The following PSMD11 variants were observed in gnomAD, a reference collection of about 807,000 sequenced individuals.
PSMD11 encodes the protein proteasome 26S subunit, non-ATPase 11, also known as 26S proteasome non-ATPase regulatory subunit 11.
Under a neutral mutation model 62.3 loss-of-function variants are expected in PSMD11, and 5 were observed. The observed-to-expected ratio is 0.08, with a 90% CI of 0.04 to 0.17. The LOEUF is 0.17. Among genes scored for constraint, PSMD11 ranks in the 10% least tolerant of loss-of-function variants. PSMD11 has a pLI of 1.00. For missense variants in PSMD11, 310 were observed against 512.9 expected (o/e 0.60, Z 3.82); for synonymous variants, 191 against 191.8 (o/e 1.00, Z 0.03).
chr17:32,464,705 C>G, intron 5 of PSMD11, 127 bp downstream of exon 5: 1 of 641,702 alleles, frequency 1.6e-6, no homozygotes, highest in Non-Finnish European at 2.4e-6. Flanking sequence ...TTTAAAGTAG[C>G]TTACAGTTCT....
At chr17:32,461,979 C>G (rs1907859012) in intron 3 of PSMD11, among the ~76,000 whole-genome samples, 4 of 152,150 alleles carry the variant, frequency 2.6e-5, no homozygotes, top group Admixed American at 2.6e-4. Context: ...TCTGATGTTA[C>G]CCGTCAGTTC....
chr17:32,475,951 T>G (rs1368009080), intron 8 of PSMD11, among the ~76,000 whole-genome samples: 7 of 152,008 alleles, frequency 4.6e-5, no homozygotes, highest in Non-Finnish European at 1.0e-4. Context: ...GGAGCTGACC[T>G]GAAACTTTTG....
At chr17:32,477,022 G>A (rs1908346972) in intron 8 of PSMD11, 1 of 152,522 alleles carries the variant, frequency 6.6e-6, no homozygotes, top group Non-Finnish European at 1.5e-5. Context: ...CAAAGTGGTG[G>A]GATTACAGGT....
chr17:32,472,306 T>A (rs1355454703), intron 6 of PSMD11, among the ~76,000 whole-genome samples: 1 of 150,392 alleles, frequency 6.6e-6, no homozygotes, highest in East Asian at 2.0e-4. Flanking sequence ...CACTGCAACC[T>A]CTACCTCCTG....
intron 5 of PSMD11, 101 bp from the exon 6 acceptor site, chr17:32,468,895 ATTT>A (rs369788458): frequency 2.2e-4 from 198 of 896,786 alleles, no homozygotes; most frequent in Non-Finnish European, 2.5e-4. Context: ...GAGTTCAGGA[ATTT>A]TTTTTTTTTT....
intron 2 of PSMD11, among the ~76,000 whole-genome samples, chr17:32,452,066 AT>A (rs1450393450): frequency 6.6e-6 from 1 of 152,058 alleles, no homozygotes; most frequent in East Asian, 1.9e-4. Context: ...AGACCCATAG[AT>A]TTTCAGGGGT....
In PSMD11 at chr17:32,480,607, C is replaced by T; in HGVS notation, c.1245C>T (p.Tyr415=). Residue 415 remains tyrosine (Y), a synonymous_variant, in exon 13 of 14, where the codon TAC becomes TAT. Coordinates refer to ENST00000261712, the MANE Select transcript of PSMD11 (RefSeq NM_002815.4). ...TGAGCAAAGTAGTGGATTCCCTCTA[C>T]AACAAAGCCAAGAAACTGACATAGG... ...QNMSKVVDSL[Y]NKAKKLT is the part of the protein sequence containing the mutation. 6.2e-7 allele frequency: 1 copy of T among 1,614,158 alleles called. No individual in the cohort carries two copies. The highest frequency in any genetic ancestry group is 8.5e-7 in the Non-Finnish European group (1 of 1,180,020).
At chr17:32,449,766 G>C (rs577439432) in intron 2 of PSMD11, among the ~76,000 whole-genome samples, 16 of 152,296 alleles carry the variant, frequency 1.1e-4, no homozygotes, top group African/African-American at 3.6e-4. Flanking sequence ...AGCTGTCTTT[G>C]CTATTAATGA....
chr17:32,470,524 C>T (rs929819242), intron 6 of PSMD11, among the ~76,000 whole-genome samples: 3 of 152,126 alleles, frequency 2.0e-5, no homozygotes, highest in African/African-American at 4.8e-5. Context: ...GTTGGCCAGG[C>T]TGGCTGCACG....
chr17:32,451,323 T>C (rs547716842), intron 2 of PSMD11, among the ~76,000 whole-genome samples: 5 of 152,198 alleles, frequency 3.3e-5, no homozygotes, highest in Non-Finnish European at 5.9e-5. Context: ...CTGCAAAAGA[T>C]AGAAATAACA....
intron 10 of PSMD11, 107 bp from the exon 11 acceptor site, chr17:32,479,744 A>C: frequency 7.4e-7 from 1 of 1,346,820 alleles, no homozygotes; most frequent in African/African-American, 1.4e-5. Context: ...AGGGTCTTAC[A>C]TTAGAATTTT....
At chr17:32,465,865 C>T (rs1907977546) in intron 5 of PSMD11, among the ~76,000 whole-genome samples, 1 of 152,144 alleles carries the variant, frequency 6.6e-6, no homozygotes, top group Non-Finnish European at 1.5e-5. Context: ...ATCCCAGCTA[C>T]TTGTTAGGCT....
chr17:32,459,446 C>G (rs188175966), intron 3 of PSMD11, among the ~76,000 whole-genome samples: 3 of 152,140 alleles, frequency 2.0e-5, no homozygotes, highest in African/African-American at 7.2e-5. Context: ...CTATGTTGCT[C>G]AGGCTGGTCT....
intron 9 of PSMD11, among the ~76,000 whole-genome samples, chr17:32,478,861 G>A (rs1908406531): frequency 6.6e-6 from 1 of 152,140 alleles, no homozygotes; most frequent in Non-Finnish European, 1.5e-5. Context: ...CAGACAGAAA[G>A]ATGGTCCCTA....
chr17:32,461,117 G>A (rs763184283), intron 3 of PSMD11, among the ~76,000 whole-genome samples: 4 of 151,866 alleles, frequency 2.6e-5, no homozygotes, highest in African/African-American at 7.2e-5. Flanking sequence ...TCGCACCGTC[G>A]CCCGGGCTGG....
chr17:32,480,297 T>C, intron 12 of PSMD11, 100 bp downstream of exon 12: 1 of 1,523,836 alleles, frequency 6.6e-7, no homozygotes, highest in Non-Finnish European at 9.1e-7. Context: ...CCCCCGATGG[T>C]TCACCCTGGG....
chr17:32,465,716 G>A (rs1907973697), intron 5 of PSMD11, among the ~76,000 whole-genome samples: 1 of 152,102 alleles, frequency 6.6e-6, no homozygotes, highest in Non-Finnish European at 1.5e-5. Context: ...GCTCATGCCT[G>A]TAATCCCAGC....
At chr17:32,474,732 C>T (rs1185142399) in intron 7 of PSMD11, 32 bp from the exon 8 acceptor site, 1 of 1,606,966 alleles carries the variant, frequency 6.2e-7, no homozygotes, top group South Asian at 1.1e-5. Context: ...ATAACATCTG[C>T]AGCAATTGAC....
At chr17:32,467,810 T>G (rs1034286276) in intron 5 of PSMD11, among the ~76,000 whole-genome samples, 2 of 152,036 alleles carry the variant, frequency 1.3e-5, no homozygotes, top group African/African-American at 4.8e-5. Context: ...AGTTCTTTTC[T>G]TTTTTTTAAG....
Sources: allele counts gnomAD v4.1 joint callset (sites outside exome capture counted in the v4.1 genomes callset), GRCh38; gene constraint gnomAD v4.1.1; transcripts MANE v1.5; gene names NCBI Gene and HGNC (gene_info 2026-07-23, HGNC 2026-07-21).